The following RGS5 variants were observed in gnomAD, a reference collection of about 807,000 sequenced individuals.
RGS5 encodes the protein regulator of G protein signaling 5, also known as regulator of G-protein signalling 5.
A neutral mutation model predicts 18.9 loss-of-function variants in RGS5; 20 were observed. That is an observed-to-expected ratio of 1.06 (90% CI 0.74 to 1.54). RGS5 has a LOEUF of 1.54. Ranked by LOEUF, RGS5 falls within the 40% of genes most tolerant of loss-of-function variation. RGS5 has a pLI of 0.00. For missense variants in RGS5, 201 were observed against 211.8 expected (o/e 0.95, Z 0.32); for synonymous variants, 57 against 76.2 (o/e 0.75, Z 1.31).
chr1:163,296,023 T>C (rs572689895), intron 2 of RGS5, among the ~76,000 whole-genome samples: 14 of 152,326 alleles, frequency 9.2e-5, no homozygotes, highest in African/African-American at 3.1e-4. Flanking sequence ...GTTCTTAGGT[T>C]GGCATCTTAG....
chr1:163,152,409 C>G lies in RGS5; in HGVS notation c.384+141G>C, dbSNP rs374451090. ...TTGACCATGTTGCTCTGCCTTTGTA[C>G]TCAATAGGTGCTTAATAAGGTGGTC... is the stretch of plus-strand genomic sequence containing the variant. On this transcript the variant is annotated intron_variant, in intron 4 of 4. Transcript: ENST00000313961. 603 of 811,338 alleles carry G rather than the reference C, an allele frequency of 7.4e-4. 6 individuals are homozygous for G. In the South Asian group the frequency reaches 0.013, roughly 18 times the overall value. 50.3% of individuals were successfully genotyped at this position (811,338 alleles called of 1,614,324 possible). A position where few individuals can be genotyped will look rare whatever the true frequency, so the allele number is the denominator to read the frequency against.
intron 1 of RGS5, chr1:163,211,392 G>T (rs1660098885): frequency 6.6e-6 from 1 of 152,122 alleles, no homozygotes; most frequent in Non-Finnish European, 1.5e-5. Flanking sequence ...ATAAAATGAT[G>T]ATTCTAAGAA....
chr1:163,277,941 T>C (rs535870224), intron 2 of RGS5, among the ~76,000 whole-genome samples: 6 of 152,028 alleles, frequency 3.9e-5, no homozygotes, highest in African/African-American at 1.4e-4. Context: ...ATTCCTAAAG[T>C]TGAAGAGAGA....
intron 4 of RGS5, among the ~76,000 whole-genome samples, chr1:163,148,083 C>T (rs926662311): frequency 4.0e-5 from 6 of 151,840 alleles, no homozygotes; most frequent in African/African-American, 1.5e-4. Context: ...TGTGCCACCA[C>T]GCCGGGCTAA....
chr1:163,280,744 G>A (rs1479075033), intron 2 of RGS5, among the ~76,000 whole-genome samples: 1 of 151,988 alleles, frequency 6.6e-6, no homozygotes, highest in Admixed American at 6.6e-5. Context: ...CACATTCAAT[G>A]CATTCTTCAC....
rs1571238502 is a variant in RGS5 at position 163,172,996 on chromosome 1, C to T, written c.45-4628G>A. On this transcript the variant is annotated intron_variant, in intron 1 of 4. Coordinates refer to ENST00000313961, the MANE Select transcript of RGS5 (RefSeq NM_003617.4). ...AAACAAACCAAATGAAAAATTCAAA[C>T]AAAACAATAGCTCCAGCTTACCAAA... Among the ~76,000 whole-genome samples, 4 of 152,234 alleles carry T rather than the reference C, an allele frequency of 2.6e-5. No homozygotes were observed. The South Asian group carries it at 8.3e-4, about 32-fold the overall frequency.
intron 1 of RGS5, among the ~76,000 whole-genome samples, chr1:163,180,613 G>A (rs889874186): frequency 7.0e-6 from 1 of 143,548 alleles, no homozygotes; most frequent in Non-Finnish European, 1.5e-5. Context: ...TATTGCTACA[G>A]TTAGGATACA....
chr1:163,253,512 G>T lies in RGS5; in HGVS notation c.-281+52721C>A, dbSNP rs1443712094. On this transcript the variant is annotated intron_variant, in intron 2 of 5. Transcript: ENST00000618415. ...TTTAGTAGAGATAAGTTTTTGCCATGTTGGGCAGCCTGGTCTTGAACCCCT... is the reference window on the plus strand; with the variant it reads ...TTTAGTAGAGATAAGTTTTTGCCATTTTGGGCAGCCTGGTCTTGAACCCCT... Among the ~76,000 whole-genome samples the T allele has an allele frequency of 1.3e-5, 2 of 148,664 alleles. 1 individual carries two copies. Among genetic ancestry groups the T allele is most frequent in the Non-Finnish European group, 3.0e-5 (2 of 67,306 alleles).
chr1:163,251,449 G>A (rs538507474), intron 2 of RGS5, among the ~76,000 whole-genome samples: 2 of 152,176 alleles, frequency 1.3e-5, no homozygotes, highest in South Asian at 4.2e-4. Context: ...ACAGTCTCTG[G>A]CCATGTCTTT....
At chr1:163,153,911 A>G (rs946709123) in intron 3 of RGS5, among the ~76,000 whole-genome samples, 10 of 152,120 alleles carry the variant, frequency 6.6e-5, no homozygotes, top group African/African-American at 2.4e-4. Flanking sequence ...TAAGAAAAAT[A>G]AAGATTTCAA....
chr1:163,192,668 A>G (rs12137214), intron 1 of RGS5, among the ~76,000 whole-genome samples: 22,924 of 152,172 alleles, frequency 0.15, 1,773 homozygotes, highest in South Asian at 0.26. Context: ...GTAAGTGTGT[A>G]TGCCTGCACA....
intron 1 of RGS5, among the ~76,000 whole-genome samples, chr1:163,216,525 TATA>T: frequency 6.6e-6 from 1 of 152,158 alleles, no homozygotes; most frequent in East Asian, 1.9e-4. Flanking sequence ...CTCTATGGTG[TATA>T]ATAACTAGGC....
At chr1:163,302,950 T>C (rs1193232148) in intron 2 of RGS5, among the ~76,000 whole-genome samples, 1 of 152,198 alleles carries the variant, frequency 6.6e-6, no homozygotes, top group East Asian at 1.9e-4. Flanking sequence ...GTAATATCAT[T>C]ATTAATATTT....
intron 2 of RGS5, among the ~76,000 whole-genome samples, chr1:163,265,397 C>G (rs1648550607): frequency 6.6e-6 from 1 of 152,112 alleles, no homozygotes; most frequent in African/African-American, 2.4e-5. Flanking sequence ...TAATTTATTT[C>G]CATACTTCCT....
At chr1:163,287,156 G>A (rs1649165532) in intron 2 of RGS5, among the ~76,000 whole-genome samples, 1 of 152,132 alleles carries the variant, frequency 6.6e-6, no homozygotes, top group South Asian at 2.1e-4. Context: ...TTCCTATGGA[G>A]AAATTTTCTG....
rs1657108040 is a variant in RGS5, at chr1:163,145,832, A to G, written c.*1510T>C. 6.6e-6 allele frequency: 1 copy of G among 152,186 alleles called. No homozygotes were observed. Among genetic ancestry groups the G allele is most frequent in the South Asian group, 2.1e-4 (1 of 4,828 alleles). 9.4% of individuals were successfully genotyped at this position (152,186 alleles called of 1,614,324 possible). ...AATGAGCTACAAATATGAGAAACTG[A>G]GAGTGTGTGAATGAAAGAGAGCAAC... On this transcript the variant is annotated 3_prime_UTR_variant, in exon 5 of 5. Transcript: ENST00000313961.
intron 2 of RGS5, chr1:163,300,732 C>T (rs6695486): frequency 0.42 from 63,250 of 151,924 alleles, 13,658 homozygotes; most frequent in South Asian, 0.5. Context: ...GAATCCAGAA[C>T]ATTAATAAAA....
intron 2 of RGS5, among the ~76,000 whole-genome samples, chr1:163,302,408 T>C (rs1557936230): frequency 1.3e-5 from 2 of 152,222 alleles, no homozygotes; most frequent in Non-Finnish European, 2.9e-5. Flanking sequence ...TATTTCCTTT[T>C]CACCTAATAT....
intron 2 of RGS5, among the ~76,000 whole-genome samples, chr1:163,228,878 T>A (rs1396828579): frequency 6.6e-6 from 1 of 152,186 alleles, no homozygotes; most frequent in Non-Finnish European, 1.5e-5. Context: ...TTGCCCCCGT[T>A]CCCAAGAAGT....
Sources: allele counts gnomAD v4.1 joint callset (sites outside exome capture counted in the v4.1 genomes callset), GRCh38; gene constraint gnomAD v4.1.1; transcripts MANE v1.5; gene names NCBI Gene and HGNC (gene_info 2026-07-23, HGNC 2026-07-21).